Variants in UTP18 observed in about 807,000 individuals in gnomAD.
The protein encoded by UTP18 is U3 small nucleolar RNA-associated protein 18 homolog.
UTP18 carries 36 observed loss-of-function variants against 61.1 expected under a neutral mutation model. That is an observed-to-expected ratio of 0.59 (90% CI 0.45 to 0.78). The LOEUF is 0.78. UTP18 is among the 30% of genes least tolerant of loss of function. The pLI is 0.00. For synonymous variants in UTP18, 282 were observed against 251.1 expected (o/e 1.12, Z -1.16); for missense variants, 753 against 693.9 (o/e 1.09, Z -0.96).
chr17:51,293,679 A>G (rs975905511), intron 11 of UTP18, among the ~76,000 whole-genome samples: 5 of 152,170 alleles, frequency 3.3e-5, no homozygotes, highest in South Asian at 2.1e-4. Flanking sequence ...CAAGAAATTC[A>G]TGTAGCAAAA....
At chr17:51,286,091 TAAA>T (rs1180324689) in intron 10 of UTP18, among the ~76,000 whole-genome samples, 2 of 152,152 alleles carry the variant, frequency 1.3e-5, no homozygotes, top group Non-Finnish European at 2.9e-5. Context: ...GGGGTATAAA[TAAA>T]AAACATGTTC....
At chr17:51,282,863 TCTTC>T (rs1027356854) in intron 9 of UTP18, among the ~76,000 whole-genome samples, 4 of 82,316 alleles carry the variant, frequency 4.9e-5, no homozygotes, top group African/African-American at 1.3e-4. Flanking sequence ...TTCTTCTTCT[TCTTC>T]TTTTTTTTTT....
chr17:51,294,354 C>T (rs1329855904), intron 12 of UTP18, among the ~76,000 whole-genome samples: 1 of 130,002 alleles, frequency 7.7e-6, no homozygotes, highest in Non-Finnish European at 1.6e-5. Context: ...CCCCCCTCCC[C>T]TCACCCCACA....
rs979085076 is a variant in UTP18, at chr17:51,285,935, A to AT, written c.1328+573dup. Among the ~76,000 whole-genome samples the AT allele has an allele frequency of 2.0e-5, 3 of 152,188 alleles. No individual in the cohort carries two copies. In the South Asian group the frequency reaches 6.2e-4, roughly 32 times the overall value. On this transcript the variant is annotated intron_variant, in intron 10 of 13. Coordinates refer to ENST00000225298, the MANE Select transcript of UTP18 (RefSeq NM_016001.3). ...TGCTGGCGCTACCTTATATCATTGT[A>AT]TTTTTTCCTATTTAAAATACCTGTT...
At chr17:51,269,015 G>A (rs1456624542) in intron 4 of UTP18, 111 bp downstream of exon 4, 20 of 1,066,504 alleles carry the variant, frequency 1.9e-5, no homozygotes, top group South Asian at 1.6e-4. Context: ...TGCCTGGCTC[G>A]GTAGCTCACG....
intron 1 of UTP18, 36 bp downstream of exon 1, chr17:51,260,962 C>T: frequency 7.0e-7 from 1 of 1,438,808 alleles, no homozygotes; most frequent in Non-Finnish European, 9.1e-7. Context: ...TGGGCGCACT[C>T]GGGCGGGGCG....
chr17:51,274,438 T>C (rs1396290164), intron 5 of UTP18, among the ~76,000 whole-genome samples: 1 of 151,970 alleles, frequency 6.6e-6, no homozygotes, highest in Non-Finnish European at 1.5e-5. Context: ...TAGATATCTT[T>C]TGTTTGTTTG....
At chr17:51,275,754 T>C (rs1362611155) in intron 5 of UTP18, 112 bp from the exon 6 acceptor site, 1 of 1,053,350 alleles carries the variant, frequency 9.5e-7, no homozygotes, top group Non-Finnish European at 1.2e-6. Context: ...TGGTTACCAT[T>C]CCAGTGCATT....
intron 10 of UTP18, chr17:51,286,651 C>T (rs1014665837): frequency 1.8e-4 from 82 of 446,270 alleles, no homozygotes; most frequent in Non-Finnish European, 1.9e-4. Context: ...CTGATGAAGG[C>T]CCCTTCCTTT....
At position 51,263,425 on chromosome 17, in the gene UTP18, C is replaced by G. The variant is rs756854108; in HGVS notation, c.455+39C>G. On this transcript the variant is annotated intron_variant, in intron 2 of 13. Transcript: ENST00000225298. ...CTTTTCTTCTGAATCCCTCTGTACACTTAAAAAAGTTATTTTGCAGATTTT... is the reference window on the plus strand; with the variant it reads ...CTTTTCTTCTGAATCCCTCTGTACAGTTAAAAAAGTTATTTTGCAGATTTT... 2.1e-6 allele frequency: 3 copies of G among 1,416,112 alleles called. No individual in the cohort carries two copies. In the South Asian group the frequency reaches 3.7e-5, roughly 18 times the overall value. The allele number at this position is 1,416,112 out of a possible 1,614,324, so 87.7% of individuals were successfully genotyped here.
chr17:51,283,617 A>ATTT lies in UTP18; in HGVS notation c.1205-1615_1205-1613dup, dbSNP rs34103760. ...TGGTTTTGTCTTTGTTTACTCATGG[A>ATTT]TTTTTTTTTTTTTTTGGAGACAGCA... is the stretch of plus-strand genomic sequence containing the variant. On this transcript the variant is annotated intron_variant, in intron 9 of 13. Transcript: ENST00000225298. 2.6e-3 allele frequency among the ~76,000 whole-genome samples: 354 copies of ATTT among 138,496 alleles called. 5 individuals carry two copies. The highest frequency in any genetic ancestry group is 4.5e-3 in the South Asian group (20 of 4,456). 90.9% of individuals were successfully genotyped at this position (138,496 alleles called of 152,430 possible).
chr17:51,294,234 AC>A (rs1468255197), intron 12 of UTP18, among the ~76,000 whole-genome samples, 189 bp downstream of exon 12: 4 of 151,996 alleles, frequency 2.6e-5, no homozygotes, highest in African/African-American at 9.7e-5. Flanking sequence ...GTTTTAGGGT[AC>A]ATGTGTGCAC....
At chr17:51,264,807 C>G (rs935273934) in intron 2 of UTP18, among the ~76,000 whole-genome samples, 6 of 151,866 alleles carry the variant, frequency 4.0e-5, no homozygotes, top group Non-Finnish European at 8.8e-5. Context: ...TTCAGCCTCC[C>G]AAGTAGCTGG....
At chr17:51,274,942 A>G (rs943072054) in intron 5 of UTP18, among the ~76,000 whole-genome samples, 4 of 151,606 alleles carry the variant, frequency 2.6e-5, no homozygotes, top group African/African-American at 9.7e-5. Flanking sequence ...TCACGCCTGT[A>G]ATCCCAGCAC....
chr17:51,281,023 C>A (rs1257690861), intron 9 of UTP18, among the ~76,000 whole-genome samples: 1 of 151,048 alleles, frequency 6.6e-6, no homozygotes, highest in African/African-American at 2.4e-5. Flanking sequence ...GCTAAAAATA[C>A]AAAAATTAGC....
rs190193422 is a variant in UTP18 at position 51,265,548 on chromosome 17, C to T, written c.456-634C>T. On this transcript the variant is annotated intron_variant, in intron 2 of 13. Coordinates refer to ENST00000225298, the MANE Select transcript of UTP18 (RefSeq NM_016001.3). ...AAAGTGCTGGGATTGCAGGCATGAG[C>T]CACCGTGCCCGGCCTTTTTTTTTTT... Among the ~76,000 whole-genome samples the T allele has an allele frequency of 1.1e-4, 17 of 149,508 alleles. No homozygotes were observed. In the East Asian group the frequency reaches 3.3e-3, roughly 29 times the overall value.
chr17:51,296,899 G>A, intron 12 of UTP18, 66 bp from the exon 13 acceptor site: 2 of 1,484,474 alleles, frequency 1.3e-6, no homozygotes, highest in South Asian at 1.2e-5. Context: ...GCCCTTCTGT[G>A]ATCTAATTGA....
intron 12 of UTP18, among the ~76,000 whole-genome samples, chr17:51,294,552 G>T (rs1383770959): frequency 6.6e-6 from 1 of 152,026 alleles, no homozygotes; most frequent in Non-Finnish European, 1.5e-5. Context: ...TGGCTGCATA[G>T]TATTCCATGG....
chr17:51,293,079 T>C (rs1414167262), intron 11 of UTP18, among the ~76,000 whole-genome samples: 1 of 152,260 alleles, frequency 6.6e-6, no homozygotes, highest in African/African-American at 2.4e-5. Context: ...ACCATTTAAC[T>C]AACCAGATGA....
Sources: allele counts gnomAD v4.1 joint callset (sites outside exome capture counted in the v4.1 genomes callset), GRCh38; gene constraint gnomAD v4.1.1; transcripts MANE v1.5; gene names NCBI Gene and HGNC (gene_info 2026-07-23, HGNC 2026-07-21).